Variants in ACER3 observed in about 807,000 individuals in gnomAD.
The protein encoded by ACER3 is alkaline ceramidase 3, also known as alkCDase 3.
Under a neutral mutation model 48.9 loss-of-function variants are expected in ACER3, and 16 were observed. The ratio of observed to expected loss-of-function variants is 0.33; its 90% CI spans 0.22 to 0.50. The LOEUF (loss-of-function observed/expected upper bound fraction) is 0.50. ACER3 is among the 20% of genes least tolerant of loss of function. ACER3 has a pLI of 0.98. For synonymous variants in ACER3, 109 were observed against 107.8 expected, an observed-to-expected ratio of 1.01 and a Z score of -0.07; for missense variants, 227 against 326.0, an observed-to-expected ratio of 0.70 and a Z score of 2.34.
chr11:76,949,539 T>C (rs967229941), intron 2 of ACER3, among the ~76,000 whole-genome samples: 1 of 152,218 alleles, frequency 6.6e-6, no homozygotes, highest in South Asian at 2.1e-4. Context: ...AAAGAAAAAA[T>C]GCTTAGATTC....
chr11:76,973,872 G>A (rs760331075), intron 3 of ACER3, among the ~76,000 whole-genome samples: 3 of 152,094 alleles, frequency 2.0e-5, no homozygotes, highest in Non-Finnish European at 2.9e-5. Flanking sequence ...TTACATTTAG[G>A]TCTTGGTCCA....
chr11:76,861,575 T>C (rs2134473704), intron 1 of ACER3, among the ~76,000 whole-genome samples: 1 of 152,288 alleles, frequency 6.6e-6, no homozygotes, highest in East Asian at 1.9e-4. Flanking sequence ...ACTGGAATAT[T>C]AGACCTCCTT....
At chr11:76,944,783 T>G (rs1947431296) in intron 2 of ACER3, among the ~76,000 whole-genome samples, 1 of 152,174 alleles carries the variant, frequency 6.6e-6, no homozygotes, top group Non-Finnish European at 1.5e-5. Context: ...ATTGACTATT[T>G]CCTTAAATAT....
At chr11:76,989,791 A>G (rs1948761285) in intron 5 of ACER3, among the ~76,000 whole-genome samples, 1 of 152,144 alleles carries the variant, frequency 6.6e-6, no homozygotes, top group East Asian at 1.9e-4. Context: ...TCATGACTTG[A>G]ATTTTGATTC....
At chr11:76,924,223 A>G (rs1163671541) in intron 1 of ACER3, among the ~76,000 whole-genome samples, 1 of 151,792 alleles carries the variant, frequency 6.6e-6, no homozygotes, top group Non-Finnish European at 1.5e-5. Flanking sequence ...GTTGTTTCAT[A>G]TATTTTGTCT....
At chr11:76,903,895 A>G (rs1417517656) in intron 1 of ACER3, among the ~76,000 whole-genome samples, 2 of 152,148 alleles carry the variant, frequency 1.3e-5, no homozygotes, top group Non-Finnish European at 2.9e-5. Flanking sequence ...GGAGACATTT[A>G]CTATCTATTA....
At chr11:76,975,038 C>G (rs1382354423) in intron 3 of ACER3, among the ~76,000 whole-genome samples, 1 of 152,198 alleles carries the variant, frequency 6.6e-6, no homozygotes, top group East Asian at 1.9e-4. Flanking sequence ...TTTCATAATT[C>G]TAATAATTTA....
chr11:76,868,383 C>CTG lies in ACER3; in HGVS notation c.103+7305_103+7306insGT, dbSNP rs1336087249. ...AAGAGTTTAGTTTTAATATCTCTCT[C>CTG]TCTCTCTCTGTGTGTGTGTGTGTGT... On this transcript the variant is annotated intron_variant, in intron 1 of 10. Coordinates refer to ENST00000532485, the MANE Select transcript of ACER3 (RefSeq NM_018367.7). 8.1e-3 allele frequency: 4,227 copies of CTG among 523,040 alleles called. 70 individuals are homozygous for CTG. The East Asian group carries it at 0.095, about 12-fold the overall frequency. The allele number at this position is 523,040 out of a possible 1,614,324, so 32.4% of individuals were successfully genotyped here. A position where few individuals can be genotyped will look rare whatever the true frequency, so the allele number is the denominator to read the frequency against.
At chr11:76,995,991 G>C (rs1268996384) in intron 6 of ACER3, among the ~76,000 whole-genome samples, 2 of 151,988 alleles carry the variant, frequency 1.3e-5, no homozygotes. Context: ...TATCTCACTG[G>C]CACATCAAAC....
chr11:76,922,788 A>G (rs1321755451), intron 1 of ACER3, among the ~76,000 whole-genome samples: 1 of 152,016 alleles, frequency 6.6e-6, no homozygotes, highest in East Asian at 1.9e-4. Flanking sequence ...ACCCGCTTTT[A>G]CTGTTTATTT....
intron 3 of ACER3, among the ~76,000 whole-genome samples, chr11:76,974,397 CT>C (rs1948384081): frequency 6.6e-6 from 1 of 152,088 alleles, no homozygotes; most frequent in Admixed American, 6.6e-5. Context: ...AGTCTTAGTA[CT>C]AAGGTAAGAG....
At chr11:76,990,687 A>T (rs1470631764) in intron 6 of ACER3, 113 bp downstream of exon 6, 1 of 699,216 alleles carries the variant, frequency 1.4e-6, no homozygotes, top group African/African-American at 1.7e-5. Flanking sequence ...GAAATGGTAG[A>T]TGTTCTAAGG....
intron 1 of ACER3, among the ~76,000 whole-genome samples, chr11:76,922,676 C>T (rs1200901125): frequency 6.6e-6 from 1 of 152,154 alleles, no homozygotes; most frequent in African/African-American, 2.4e-5. Flanking sequence ...GTGAGAGGAA[C>T]ATTAGCTATA....
At chr11:76,938,578 C>A (rs1028254029) in intron 2 of ACER3, among the ~76,000 whole-genome samples, 2 of 152,120 alleles carry the variant, frequency 1.3e-5, no homozygotes, top group Non-Finnish European at 2.9e-5. Flanking sequence ...TTCAGCCTCC[C>A]AATGTGTTCA....
At chr11:76,975,082 T>C (rs1413295829) in intron 3 of ACER3, among the ~76,000 whole-genome samples, 1 of 152,226 alleles carries the variant, frequency 6.6e-6, no homozygotes, top group Non-Finnish European at 1.5e-5. Flanking sequence ...ATAAGCTCTC[T>C]TCCTACTTCC....
intron 7 of ACER3, among the ~76,000 whole-genome samples, chr11:77,005,985 A>AT (rs1288542794): frequency 0.041 from 1,543 of 37,468 alleles, 21 homozygotes; most frequent in South Asian, 0.083. Flanking sequence ...ATATATATAT[A>AT]TATATATTTT....
At chr11:76,972,550 CT>C (rs34239659) in intron 3 of ACER3, among the ~76,000 whole-genome samples, 8,961 of 152,062 alleles carry the variant, frequency 0.059, 285 homozygotes, top group Middle Eastern at 0.13. Flanking sequence ...TTTTCACTTT[CT>C]TTTTTTTAAC....
intron 1 of ACER3, among the ~76,000 whole-genome samples, chr11:76,898,903 CAAAAAAAAAA>C (rs59278347): frequency 1.8e-5 from 1 of 55,848 alleles, no homozygotes; most frequent in African/African-American, 8.5e-5. Context: ...GACTCCGTCT[CAAAAAAAAAA>C]AAAAAAAAAA....
intron 1 of ACER3, among the ~76,000 whole-genome samples, chr11:76,868,842 C>T (rs1386181150): frequency 6.6e-6 from 1 of 152,174 alleles, no homozygotes; most frequent in Non-Finnish European, 1.5e-5. Flanking sequence ...GTTTGGAGAA[C>T]TTCTGGATAG....
Sources: allele counts gnomAD v4.1 joint callset (sites outside exome capture counted in the v4.1 genomes callset), GRCh38; gene constraint gnomAD v4.1.1; transcripts MANE v1.5; gene names NCBI Gene and HGNC (gene_info 2026-07-23, HGNC 2026-07-21).